Variants in NBEA observed in about 807,000 individuals in gnomAD.
NBEA encodes the protein neurobeachin.
Under a neutral mutation model 343.4 loss-of-function variants are expected in NBEA, and 44 were observed. That is an observed-to-expected ratio of 0.13 (90% confidence interval 0.10 to 0.16). The LOEUF (loss-of-function observed/expected upper bound fraction) is 0.16. NBEA is among the 10% of genes least tolerant of loss of function. NBEA has a pLI of 1.00. For synonymous variants in NBEA, 1,175 were observed against 1,238.7 expected, an observed-to-expected ratio of 0.95 and a Z score of 1.08; for missense variants, 2,555 against 3,631.3, an observed-to-expected ratio of 0.70 and a Z score of 7.62.
intron 8 of NBEA, among the ~76,000 whole-genome samples, chr13:35,059,811 G>T (rs992516903): frequency 4.6e-5 from 7 of 150,758 alleles, no homozygotes; most frequent in Non-Finnish European, 7.4e-5. Context: ...CATATTAAAA[G>T]ATCTTTTTGT....
intron 25 of NBEA, among the ~76,000 whole-genome samples, chr13:35,170,711 G>A (rs1333248905): frequency 8.6e-5 from 13 of 151,658 alleles, no homozygotes; most frequent in Admixed American, 6.6e-5. Context: ...GAGTTTTATC[G>A]TACATGTAAA....
chr13:35,058,198 A>G (rs1015250389), intron 7 of NBEA, among the ~76,000 whole-genome samples: 3 of 151,984 alleles, frequency 2.0e-5, no homozygotes, highest in Non-Finnish European at 2.9e-5. Context: ...TGTAATTCCT[A>G]CTCATATATG....
intron 10 of NBEA, among the ~76,000 whole-genome samples, chr13:35,073,531 G>A (rs1205860315): frequency 6.6e-6 from 1 of 152,100 alleles, no homozygotes; most frequent in Admixed American, 6.6e-5. Flanking sequence ...TCTCTACTAA[G>A]TAGTACCTTT....
intron 31 of NBEA, among the ~76,000 whole-genome samples, chr13:35,208,443 G>T (rs959503077): frequency 1.1e-4 from 16 of 152,176 alleles, no homozygotes; most frequent in African/African-American, 3.9e-4. Context: ...CAGTCCATTT[G>T]CCATCTTAAG....
chr13:35,067,955 C>A (rs1181528533), intron 8 of NBEA, among the ~76,000 whole-genome samples: 1 of 151,974 alleles, frequency 6.6e-6, no homozygotes, highest in Non-Finnish European at 1.5e-5. Context: ...CCAGGCTGAT[C>A]TCAAACTCCG....
chr13:34,974,681 G>C lies in NBEA; in HGVS notation c.294+31567G>C, dbSNP rs2060108258. 2.0e-5 allele frequency among the ~76,000 whole-genome samples: 3 copies of C among 152,202 alleles called. No individual in the cohort carries two copies. In the South Asian group the frequency reaches 6.2e-4, roughly 32 times the overall value. ...GGGTAATGGGAAAATAATATTTTAGGGATAGAATAAATGCAAAATTCAGAA... is the reference window on the plus strand; with the variant it reads ...GGGTAATGGGAAAATAATATTTTAGCGATAGAATAAATGCAAAATTCAGAA... On this transcript the variant is annotated intron_variant, in intron 1 of 58. Transcript: ENST00000379939.
intron 38 of NBEA, among the ~76,000 whole-genome samples, chr13:35,368,796 G>A (rs925968095): frequency 1.3e-5 from 2 of 151,522 alleles, no homozygotes; most frequent in Admixed American, 6.6e-5. Context: ...TCCTTGTTAC[G>A]TATTTACCAA....
intron 39 of NBEA, among the ~76,000 whole-genome samples, chr13:35,437,592 C>T (rs1658906097): frequency 6.6e-6 from 1 of 151,958 alleles, no homozygotes; most frequent in Non-Finnish European, 1.5e-5. Context: ...TAATTTTTTC[C>T]CTGCTGGTTA....
rs1213825232 is a variant in NBEA at position 35,176,857 on chromosome 13, T to C, written c.4555-139T>C. 2.9e-5 allele frequency: 17 copies of C among 579,794 alleles called. No individual in the cohort carries two copies. In the Admixed American group the frequency reaches 3.4e-4, roughly 12 times the overall value. 35.9% of individuals were successfully genotyped at this position (579,794 alleles called of 1,614,324 possible). A position where few individuals can be genotyped will look rare whatever the true frequency, so the allele number is the denominator to read the frequency against. ...AGAGAGCAGAAAATATGCATTGTAA[T>C]AGAGGATTATGATCAATAAATGTTA... On this transcript the variant is annotated intron_variant, in intron 27 of 58. Coordinates refer to ENST00000379939, the MANE Select transcript of NBEA (RefSeq NM_001385012.1).
chr13:34,948,686 C>A (rs2059261682), intron 1 of NBEA, among the ~76,000 whole-genome samples: 1 of 152,056 alleles, frequency 6.6e-6, no homozygotes, highest in African/African-American at 2.4e-5. Context: ...GCAGTGAGAA[C>A]TTTGTGGTCC....
At chr13:35,099,344 G>A (rs187367909) in intron 11 of NBEA, among the ~76,000 whole-genome samples, 2,444 of 151,584 alleles carry the variant, frequency 0.016, 33 homozygotes, top group South Asian at 0.073. Flanking sequence ...AACTACAGGC[G>A]CCCACCACCA....
intron 34 of NBEA, among the ~76,000 whole-genome samples, chr13:35,259,964 T>C (rs1181209077): frequency 6.6e-6 from 1 of 152,210 alleles, no homozygotes; most frequent in African/African-American, 2.4e-5. Context: ...TTACTCAACA[T>C]TGACAATCAG....
At chr13:34,990,258 A>C (rs1215694042) in intron 1 of NBEA, among the ~76,000 whole-genome samples, 1 of 150,994 alleles carries the variant, frequency 6.6e-6, no homozygotes, top group Non-Finnish European at 1.5e-5. Context: ...GTAACCCCAC[A>C]TTTCCCCTTC....
chr13:34,963,774 A>G (rs1351507792), intron 1 of NBEA, among the ~76,000 whole-genome samples: 1 of 151,680 alleles, frequency 6.6e-6, no homozygotes, highest in Non-Finnish European at 1.5e-5. Context: ...TTGATTCAGT[A>G]GTATCAGCGG....
intron 41 of NBEA, among the ~76,000 whole-genome samples, chr13:35,498,831 C>T (rs55833405): frequency 2.0e-5 from 3 of 152,012 alleles, no homozygotes; most frequent in Non-Finnish European, 4.4e-5. Flanking sequence ...ATTTTTTCCC[C>T]TTATACCTTA....
At chr13:34,971,021 C>G (rs1382915372) in intron 1 of NBEA, among the ~76,000 whole-genome samples, 2 of 151,958 alleles carry the variant, frequency 1.3e-5, no homozygotes, top group Admixed American at 6.6e-5. Context: ...GAATGTTTTT[C>G]TATTTGTTTG....
chr13:35,349,583 C>A (rs1435337110), intron 37 of NBEA, among the ~76,000 whole-genome samples: 1 of 151,368 alleles, frequency 6.6e-6, no homozygotes, highest in East Asian at 1.9e-4. Flanking sequence ...TATGAATAAA[C>A]TCATATAAGA....
intron 36 of NBEA, among the ~76,000 whole-genome samples, chr13:35,318,032 C>T (rs2037866536): frequency 6.6e-6 from 1 of 152,152 alleles, no homozygotes; most frequent in Non-Finnish European, 1.5e-5. Flanking sequence ...AATATATAAT[C>T]ATGTCATCTG....
intron 45 of NBEA, among the ~76,000 whole-genome samples, chr13:35,574,889 A>G (rs2080655891): frequency 6.6e-6 from 1 of 152,018 alleles, no homozygotes; most frequent in African/African-American, 2.4e-5. Context: ...AGCTGGGATT[A>G]AAGGCGTGCA....
Sources: allele counts gnomAD v4.1 joint callset (sites outside exome capture counted in the v4.1 genomes callset), GRCh38; gene constraint gnomAD v4.1.1; transcripts MANE v1.5; gene names NCBI Gene and HGNC (gene_info 2026-07-23, HGNC 2026-07-21).